CDH13: variants seen among roughly 807,000 people sequenced by gnomAD.
The protein encoded by CDH13 is cadherin-13.
A neutral mutation model predicts 63.8 loss-of-function variants in CDH13; 24 were observed. The ratio of observed to expected loss-of-function variants is 0.38; its 90% CI spans 0.27 to 0.53. CDH13 has a LOEUF of 0.53. Ranked by LOEUF, CDH13 falls within the 20% of genes least tolerant of loss-of-function variation. CDH13 has a pLI of 0.85. For synonymous variants in CDH13, 503 were observed against 355.3 expected, an observed-to-expected ratio of 1.42 and a Z score of -4.67; for missense variants, 1,049 against 903.1, an observed-to-expected ratio of 1.16 and a Z score of -2.07.
intron 7 of CDH13, among the ~76,000 whole-genome samples, chr16:83,506,602 C>T (rs1372270642): frequency 6.6e-6 from 1 of 152,222 alleles, no homozygotes; most frequent in Non-Finnish European, 1.5e-5. Context: ...CCCAGTGATT[C>T]TCACCTCATG....
chr16:82,780,448 G>C (rs1316285853), intron 1 of CDH13, among the ~76,000 whole-genome samples: 2 of 152,184 alleles, frequency 1.3e-5, no homozygotes, highest in African/African-American at 4.8e-5. Flanking sequence ...AGCAGCCCAT[G>C]CAATGTGCCT....
intron 3 of CDH13, among the ~76,000 whole-genome samples, chr16:83,060,970 A>T (rs2031492242): frequency 1.3e-5 from 2 of 151,732 alleles, no homozygotes; most frequent in South Asian, 2.1e-4. Context: ...ATGGCTAATG[A>T]CTCTCACTCC....
intron 8 of CDH13, among the ~76,000 whole-genome samples, chr16:83,665,762 T>C (rs1198085904): frequency 6.6e-6 from 1 of 152,210 alleles, no homozygotes; most frequent in Non-Finnish European, 1.5e-5. Context: ...GTCACTTCTT[T>C]CCCATCTGTG....
intron 5 of CDH13, among the ~76,000 whole-genome samples, chr16:83,306,289 A>C (rs1237479025): frequency 6.6e-6 from 1 of 152,148 alleles, no homozygotes; most frequent in Non-Finnish European, 1.5e-5. Context: ...CTTATGTAGA[A>C]ATTGGATCCC....
chr16:83,042,959 C>A (rs543387687), intron 3 of CDH13, among the ~76,000 whole-genome samples: 9 of 152,308 alleles, frequency 5.9e-5, no homozygotes, highest in Non-Finnish European at 1.3e-4. Flanking sequence ...TGTGAAGTAC[C>A]ATGCTCCATG....
chr16:83,165,871 C>T (rs2037642029), intron 4 of CDH13, among the ~76,000 whole-genome samples: 1 of 152,076 alleles, frequency 6.6e-6, no homozygotes, highest in Admixed American at 6.6e-5. Context: ...AACTGAAAGG[C>T]TTCAGCACAA....
chr16:82,747,460 T>A (rs567429655), intron 1 of CDH13, among the ~76,000 whole-genome samples: 1 of 88,368 alleles, frequency 1.1e-5, no homozygotes, highest in African/African-American at 2.8e-5. Context: ...AGATGTGTAT[T>A]TATTTTTTAG....
intron 10 of CDH13, among the ~76,000 whole-genome samples, chr16:83,701,451 G>A (rs749637882): frequency 2.6e-5 from 4 of 152,296 alleles, no homozygotes; most frequent in Middle Eastern, 3.4e-3. Flanking sequence ...GCCACATCCG[G>A]TCGTAGGCCG....
At chr16:82,713,329 G>A (rs764374304) in intron 1 of CDH13, among the ~76,000 whole-genome samples, 9 of 152,044 alleles carry the variant, frequency 5.9e-5, no homozygotes, top group Non-Finnish European at 1.3e-4. Flanking sequence ...GAACCACTGC[G>A]CTCAGAACTA....
intron 8 of CDH13, among the ~76,000 whole-genome samples, chr16:83,618,527 C>T (rs749338656): frequency 1.3e-5 from 2 of 151,990 alleles, no homozygotes; most frequent in Non-Finnish European, 2.9e-5. Flanking sequence ...CCCAGACCAA[C>T]CTCACTGTGG....
chr16:83,648,245 T>G (rs1912023760), intron 8 of CDH13, among the ~76,000 whole-genome samples: 1 of 152,168 alleles, frequency 6.6e-6, no homozygotes, highest in African/African-American at 2.4e-5. Context: ...GAGTCACATG[T>G]GTATTTTACA....
intron 10 of CDH13, among the ~76,000 whole-genome samples, chr16:83,719,942 T>G (rs1909467624): frequency 6.6e-6 from 1 of 152,146 alleles, no homozygotes; most frequent in Admixed American, 6.5e-5. Flanking sequence ...ACTGTAGGAA[T>G]CTACATCTCC....
intron 2 of CDH13, among the ~76,000 whole-genome samples, chr16:82,916,671 G>C (rs1024443862): frequency 6.6e-6 from 1 of 151,670 alleles, no homozygotes; most frequent in African/African-American, 2.4e-5. Flanking sequence ...ATATTCGGGA[G>C]GTTTATGAGA....
chr16:83,541,228 C>G (rs2075290646), intron 7 of CDH13, among the ~76,000 whole-genome samples: 1 of 152,088 alleles, frequency 6.6e-6, no homozygotes, highest in Admixed American at 6.6e-5. Context: ...GGAAGCTGCC[C>G]AACACTCTTC....
intron 10 of CDH13, among the ~76,000 whole-genome samples, chr16:83,733,523 A>C (rs1911243059): frequency 6.6e-6 from 1 of 151,972 alleles, no homozygotes; most frequent in African/African-American, 2.4e-5. Context: ...GACCACATTC[A>C]CTGAGCTTCA....
intron 11 of CDH13, among the ~76,000 whole-genome samples, chr16:83,766,676 G>GA (rs1914410107): frequency 6.6e-6 from 1 of 152,230 alleles, no homozygotes; most frequent in South Asian, 2.1e-4. Flanking sequence ...GAAAGTTTGT[G>GA]TTGAGATCCT....
chr16:83,331,102 C>G (rs915460909), intron 5 of CDH13, among the ~76,000 whole-genome samples: 21 of 152,136 alleles, frequency 1.4e-4, no homozygotes, highest in African/African-American at 1.2e-4. Flanking sequence ...GACTGAGTAC[C>G]TTAAACAATC....
At chr16:82,633,310 C>A (rs905961276) in intron 1 of CDH13, among the ~76,000 whole-genome samples, 6 of 152,230 alleles carry the variant, frequency 3.9e-5, no homozygotes, top group African/African-American at 1.2e-4. Context: ...CTTGCCAAGG[C>A]CTCCGGGAAC....
chr16:83,205,855 G>A (rs761485317), intron 4 of CDH13, among the ~76,000 whole-genome samples: 2 of 151,990 alleles, frequency 1.3e-5, no homozygotes, highest in African/African-American at 4.8e-5. Context: ...CACCCGTCTC[G>A]GCATCCCAAA....
Sources: allele counts gnomAD v4.1 joint callset (sites outside exome capture counted in the v4.1 genomes callset), GRCh38; gene constraint gnomAD v4.1.1; transcripts MANE v1.5; gene names NCBI Gene and HGNC (gene_info 2026-07-23, HGNC 2026-07-21).